Variants in ESR1 observed in about 807,000 individuals in gnomAD.
ESR1 encodes estrogen receptor.
ESR1 carries 12 observed loss-of-function variants against 52.7 expected under a neutral mutation model. The observed-to-expected ratio is 0.23, with a 90% CI of 0.15 to 0.37. The LOEUF is 0.37. ESR1 is among the 10% of genes least tolerant of loss of function. The pLI, the probability that ESR1 is intolerant of heterozygous loss-of-function variation, is 1.00. For synonymous variants in ESR1, 305 were observed against 316.8 expected, an observed-to-expected ratio of 0.96 and a Z score of 0.39; for missense variants, 584 against 779.7, an observed-to-expected ratio of 0.75 and a Z score of 2.99.
rs553820363 is a variant in ESR1 at position 151,882,761 on chromosome 6, G to GGT, written c.760+1990_760+1991insGT. 3.1e-4 allele frequency among the ~76,000 whole-genome samples: 45 copies of GGT among 145,544 alleles called. No individual in the cohort carries two copies. The East Asian group carries it at 7.8e-3, about 25-fold the overall frequency. On this transcript the variant is annotated intron_variant, in intron 3 of 7. Transcript: ENST00000206249. ...GACCCCATTTCATAAAACCGATTCT[G>GGT]TTTTTTTTTTTGTAATTAATATCCA... is the stretch of plus-strand genomic sequence containing the variant.
In ESR1 at chr6:152,004,337, G is replaced by A. The variant is rs576832998; in HGVS notation, c.1097-7319G>A. 3.3e-5 allele frequency among the ~76,000 whole-genome samples: 5 copies of A among 152,112 alleles called. 1 individual carries two copies. In the South Asian group the frequency reaches 8.3e-4, roughly 25 times the overall value. On this transcript the variant is annotated intron_variant, in intron 4 of 7. Coordinates refer to ENST00000206249, the MANE Select transcript of ESR1 (RefSeq NM_000125.4). ...ATAAGGAGTGTGGTTACTTGGGTTGGAGTTGAAAACCAAGCAACAGTTGGG... is the reference window on the plus strand; with the variant it reads ...ATAAGGAGTGTGGTTACTTGGGTTGAAGTTGAAAACCAAGCAACAGTTGGG...
intron 5 of ESR1, among the ~76,000 whole-genome samples, chr6:152,054,450 C>G (rs1197000142): frequency 6.6e-6 from 1 of 152,102 alleles, no homozygotes; most frequent in Non-Finnish European, 1.5e-5. Flanking sequence ...ACGGTGCTGT[C>G]TCACGTCTTC....
upstream of ESR1, among the ~76,000 whole-genome samples, chr6:151,687,157 C>T (rs903225506): frequency 6.6e-6 from 1 of 152,148 alleles, no homozygotes; most frequent in Non-Finnish European, 1.5e-5. Context: ...GGTCACTGGC[C>T]AGTCTATAGT....
intron 3 of ESR1, among the ~76,000 whole-genome samples, chr6:151,895,721 C>T (rs1795393716): frequency 6.6e-6 from 1 of 152,102 alleles, no homozygotes; most frequent in Non-Finnish European, 1.5e-5. Context: ...TTAAACCATC[C>T]CTGCATCCCT....
intron 1 of ESR1, among the ~76,000 whole-genome samples, chr6:151,659,952 A>G (rs1258762175): frequency 1.3e-5 from 2 of 152,236 alleles, no homozygotes; most frequent in Non-Finnish European, 2.9e-5. Flanking sequence ...TGTGAAAGAT[A>G]TCTTTATTTA....
chr6:151,982,297 C>T (rs1297827156), intron 4 of ESR1, among the ~76,000 whole-genome samples: 3 of 152,252 alleles, frequency 2.0e-5, no homozygotes, highest in East Asian at 3.9e-4. Context: ...TTTTTAAAGG[C>T]GCTTATGTTT....
At chr6:151,907,794 T>G (rs149257442) in intron 3 of ESR1, among the ~76,000 whole-genome samples, 2 of 152,178 alleles carry the variant, frequency 1.3e-5, no homozygotes, top group African/African-American at 4.8e-5. Flanking sequence ...TCGCCATATA[T>G]TGTCAAAATG....
intron 3 of ESR1, among the ~76,000 whole-genome samples, chr6:151,923,545 C>T (rs2032113933): frequency 6.6e-6 from 1 of 152,134 alleles, no homozygotes; most frequent in African/African-American, 2.4e-5. Context: ...TTTCTTTTGT[C>T]TCTTCTAGAA....
chr6:151,663,824 T>C (rs1284725789), intron 1 of ESR1, among the ~76,000 whole-genome samples: 1 of 152,220 alleles, frequency 6.6e-6, no homozygotes, highest in African/African-American at 2.4e-5. Flanking sequence ...GCACCTGTTG[T>C]TCCTGAGAGT....
chr6:151,899,331 C>T (rs546821729), intron 3 of ESR1, among the ~76,000 whole-genome samples: 2,144 of 114,186 alleles, frequency 0.019, 95 homozygotes, highest in African/African-American at 0.08. Flanking sequence ...CCGGACGGGG[C>T]GGCTGGCCAG....
At chr6:152,042,857 C>T (rs963523961) in intron 5 of ESR1, among the ~76,000 whole-genome samples, 177 of 152,294 alleles carry the variant, frequency 1.2e-3, no homozygotes, top group Non-Finnish European at 4.1e-4. Flanking sequence ...CTGACCTTTA[C>T]GGTAATTGCA....
intron 3 of ESR1, among the ~76,000 whole-genome samples, chr6:151,932,273 G>A (rs2033741187): frequency 6.6e-6 from 1 of 151,346 alleles, no homozygotes; most frequent in Non-Finnish European, 1.5e-5. Context: ...GTCTGTTCAT[G>A]TCCTTTGCCC....
chr6:151,908,666 A>G (rs139240751), intron 3 of ESR1, among the ~76,000 whole-genome samples: 23 of 152,286 alleles, frequency 1.5e-4, no homozygotes, highest in African/African-American at 5.5e-4. Flanking sequence ...AAATAAGTTA[A>G]CTTTCCTATC....
chr6:151,789,845 T>C (rs1787358973), intron 2 of ESR1, among the ~76,000 whole-genome samples: 1 of 152,160 alleles, frequency 6.6e-6, no homozygotes, highest in Non-Finnish European at 1.5e-5. Flanking sequence ...TTCCCTCCCA[T>C]TTATTTGTCT....
intron 2 of ESR1, among the ~76,000 whole-genome samples, chr6:151,716,227 C>T (rs149896235): frequency 0.019 from 2,941 of 152,220 alleles, 36 homozygotes; most frequent in East Asian, 0.032. Context: ...GGGCACCCAC[C>T]AGATGCCAGC....
chr6:151,658,811 G>A (rs1170088069), intron 1 of ESR1, among the ~76,000 whole-genome samples: 1 of 152,134 alleles, frequency 6.6e-6, no homozygotes, highest in African/African-American at 2.4e-5. Context: ...TTACAGATAA[G>A]GAAGCTGAGG....
rs10624911 is a variant in ESR1 at position 151,736,377 on chromosome 6, T to TC, written c.-71+34372_-71+34373insC. Among the ~76,000 whole-genome samples, 27 of 134,358 alleles carry TC rather than the reference T, an allele frequency of 2.0e-4. 2 individuals carry two copies. The highest frequency in any genetic ancestry group is 2.1e-4 in the Non-Finnish European group (13 of 61,202). 88.1% of individuals were successfully genotyped at this position (134,358 alleles called of 152,430 possible). A position where few individuals can be genotyped will look rare whatever the true frequency, so the allele number is the denominator to read the frequency against. ...ATACTTACTGTATTCCAGGTAGTGT[T>TC]TTTTTTTTTTTTTGAGATGGAGTTT... On this transcript the variant is annotated intron_variant, in intron 2 of 2. Coordinates refer to the ESR1 transcript ENST00000404742.
chr6:152,093,055 G>A (rs1164692026), intron 6 of ESR1, among the ~76,000 whole-genome samples: 3 of 152,144 alleles, frequency 2.0e-5, no homozygotes, highest in East Asian at 1.9e-4. Flanking sequence ...GAGGCAGGTG[G>A]GTCACAAGGT....
chr6:151,937,899 T>C (rs75831348), intron 3 of ESR1, among the ~76,000 whole-genome samples: 2,747 of 152,226 alleles, frequency 0.018, 34 homozygotes, highest in Non-Finnish European at 0.029. Context: ...TTCTGTTAAA[T>C]TGGGGACAAT....
Sources: gnomAD v4.1 joint callset for allele counts (sites outside exome capture counted in the v4.1 genomes callset) on GRCh38, gnomAD v4.1.1 for gene constraint, MANE v1.5 for transcripts, NCBI Gene and HGNC (gene_info 2026-07-23, HGNC 2026-07-21) for gene names.